Variants in PPM1H observed in about 807,000 individuals in gnomAD.
The protein encoded by PPM1H is protein phosphatase, Mg2+/Mn2+ dependent 1H, also known as protein phosphatase 1H.
PPM1H carries 27 observed loss-of-function variants against 54.9 expected under a neutral mutation model. That is an observed-to-expected ratio of 0.49 (90% CI 0.36 to 0.68). The LOEUF (loss-of-function observed/expected upper bound fraction) is 0.68, where lower values mean the gene tolerates loss of function less well. Among genes scored for constraint, PPM1H ranks in the 30% least tolerant of loss-of-function variants. The probability of loss-of-function intolerance (pLI) is 0.00; values close to 1 mark genes in which losing one functional copy is unlikely to be tolerated. For synonymous variants in PPM1H, 305 were observed against 270.8 expected, an observed-to-expected ratio of 1.13 and a Z score of -1.24; for missense variants, 596 against 667.8, an observed-to-expected ratio of 0.89 and a Z score of 1.19.
At chr12:62,725,597 T>C (rs1320426433) in intron 5 of PPM1H, among the ~76,000 whole-genome samples, 2 of 152,250 alleles carry the variant, frequency 1.3e-5, no homozygotes, top group Non-Finnish European at 2.9e-5. Flanking sequence ...CCTATTTCTT[T>C]AGGTCTTCAA....
In PPM1H at chr12:62,854,205, A is replaced by C. The variant is rs1346793173; in HGVS notation, c.246-21926T>G. Among the ~76,000 whole-genome samples, 45 of 152,330 alleles carry C rather than the reference A, an allele frequency of 3.0e-4. 1 individual carries two copies. Among genetic ancestry groups the C allele is most frequent in the Admixed American group, 2.9e-3 (44 of 15,286 alleles). On this transcript the variant is annotated intron_variant, in intron 1 of 9. Transcript: ENST00000228705. Reference sequence around the variant, plus strand: ...GCACATTTACTGTTGAACTCTGACAAGTATAAACAGTGTAGAAATTACTTC... The same window carrying C: ...GCACATTTACTGTTGAACTCTGACACGTATAAACAGTGTAGAAATTACTTC...
chr12:62,902,565 C>G (rs917627024), intron 1 of PPM1H, among the ~76,000 whole-genome samples: 7 of 152,166 alleles, frequency 4.6e-5, no homozygotes, highest in African/African-American at 1.7e-4. Context: ...GGGGTCCCCC[C>G]GCCCCTGGGG....
chr12:62,808,819 C>T (rs1175353142), intron 2 of PPM1H, among the ~76,000 whole-genome samples: 1 of 152,110 alleles, frequency 6.6e-6, no homozygotes, highest in Non-Finnish European at 1.5e-5. Context: ...GAGAAGCCTC[C>T]ATTTTACCAC....
chr12:62,697,475 A>T (rs2076121032), intron 6 of PPM1H, among the ~76,000 whole-genome samples: 1 of 152,014 alleles, frequency 6.6e-6, no homozygotes, highest in South Asian at 2.1e-4. Flanking sequence ...GCCCCCTCCC[A>T]CAGAGAACAG....
intron 4 of PPM1H, among the ~76,000 whole-genome samples, chr12:62,770,527 T>G (rs2076572549): frequency 6.7e-6 from 1 of 149,936 alleles, no homozygotes; most frequent in Non-Finnish European, 1.5e-5. Context: ...AAACAAAGGG[T>G]CTGGAAAGTA....
intron 3 of PPM1H, 38 bp from the exon 4 acceptor site, chr12:62,788,376 G>T: frequency 7.8e-7 from 1 of 1,288,176 alleles, no homozygotes; most frequent in Non-Finnish European, 1.1e-6. Flanking sequence ...GATTGTGCAG[G>T]ATGTGTAGCA....
intron 2 of PPM1H, among the ~76,000 whole-genome samples, chr12:62,810,244 C>G (rs1243124042): frequency 1.3e-5 from 2 of 152,160 alleles, no homozygotes; most frequent in Non-Finnish European, 2.9e-5. Flanking sequence ...CATAACCCTA[C>G]CCTACTCCAG....
At position 62,764,544 on chromosome 12, in the gene PPM1H, A is replaced by C. The variant is rs188737087; in HGVS notation, c.869+23682T>G. Among the ~76,000 whole-genome samples the C allele has an allele frequency of 2.4e-3, 369 of 152,284 alleles. 1 individual carries two copies. The highest frequency in any genetic ancestry group is 0.01 in the Middle Eastern group (3 of 292). On this transcript the variant is annotated intron_variant, in intron 4 of 9. Coordinates refer to ENST00000228705, the MANE Select transcript of PPM1H (RefSeq NM_020700.2). ...TGAGTGTAACAGGAACCCCAGGAAC[A>C]CCACACTTTTACCAATCAAATGAGA...
intron 4 of PPM1H, among the ~76,000 whole-genome samples, chr12:62,738,770 G>A (rs925504286): frequency 1.3e-5 from 2 of 152,168 alleles, no homozygotes; most frequent in East Asian, 1.9e-4. Context: ...AAATGCCTTC[G>A]ATCAGCTCAG....
chr12:62,745,953 G>A (rs1160998700), intron 4 of PPM1H, among the ~76,000 whole-genome samples: 2 of 152,184 alleles, frequency 1.3e-5, no homozygotes, highest in East Asian at 1.9e-4. Context: ...AGCACTTGGG[G>A]AAGTCAAGGC....
chr12:62,753,050 A>C (rs1267548491), intron 4 of PPM1H, among the ~76,000 whole-genome samples: 2 of 152,348 alleles, frequency 1.3e-5, no homozygotes, highest in Non-Finnish European at 2.9e-5. Flanking sequence ...AGGGCTAAAA[A>C]AGATTTGTGA....
At chr12:62,898,931 A>G (rs1871077610) in intron 1 of PPM1H, among the ~76,000 whole-genome samples, 1 of 152,176 alleles carries the variant, frequency 6.6e-6, no homozygotes, top group Admixed American at 6.5e-5. Context: ...CTGGGTTCAG[A>G]CACTGGGAAG....
At chr12:62,768,964 GAC>G (rs544760633) in intron 4 of PPM1H, among the ~76,000 whole-genome samples, 31 of 152,250 alleles carry the variant, frequency 2.0e-4, no homozygotes, top group African/African-American at 7.5e-4. Flanking sequence ...CCTAACCTGA[GAC>G]ATGTTTGTTT....
At chr12:62,809,690 T>C (rs1034172338) in intron 2 of PPM1H, among the ~76,000 whole-genome samples, 4 of 152,196 alleles carry the variant, frequency 2.6e-5, no homozygotes, top group Non-Finnish European at 5.9e-5. Context: ...CTGCTCAGAA[T>C]CTTCAGTTAC....
At chr12:62,848,513 G>A (rs1012527287) in intron 1 of PPM1H, among the ~76,000 whole-genome samples, 1 of 152,154 alleles carries the variant, frequency 6.6e-6, no homozygotes, top group African/African-American at 2.4e-5. Context: ...ATGTGCCTAT[G>A]AGTCATCTGG....
intron 4 of PPM1H, among the ~76,000 whole-genome samples, chr12:62,760,575 G>A (rs552043339): frequency 8.0e-4 from 122 of 152,192 alleles, no homozygotes; most frequent in African/African-American, 2.7e-3. Context: ...AACAATTTCC[G>A]CTTAGAGAGG....
At chr12:62,824,392 A>G (rs1206389233) in intron 2 of PPM1H, among the ~76,000 whole-genome samples, 1 of 152,226 alleles carries the variant, frequency 6.6e-6, no homozygotes, top group Non-Finnish European at 1.5e-5. Flanking sequence ...CAGAATTGGA[A>G]AAAACTACTT....
chr12:62,867,979 T>G (rs1286643459), intron 1 of PPM1H, among the ~76,000 whole-genome samples: 1 of 152,124 alleles, frequency 6.6e-6, no homozygotes, highest in Admixed American at 6.6e-5. Context: ...TGGTTATGTT[T>G]TTCATTTTGT....
intron 4 of PPM1H, among the ~76,000 whole-genome samples, chr12:62,738,266 T>C (rs2076361327): frequency 6.6e-6 from 1 of 151,970 alleles, no homozygotes. Flanking sequence ...AAAATCTGCA[T>C]TGTAATAAGA....
Sources: allele counts gnomAD v4.1 joint callset (sites outside exome capture counted in the v4.1 genomes callset), GRCh38; gene constraint gnomAD v4.1.1; transcripts MANE v1.5; gene names NCBI Gene and HGNC (gene_info 2026-07-23, HGNC 2026-07-21).